The following HIPK2 variants were observed in gnomAD, a reference collection of about 807,000 sequenced individuals.
HIPK2 encodes the protein homeodomain interacting protein kinase 2, also known as homeodomain-interacting protein kinase 2.
HIPK2 carries 27 observed loss-of-function variants against 113.7 expected under a neutral mutation model. The ratio of observed to expected loss-of-function variants is 0.24; its 90% CI spans 0.17 to 0.33. The LOEUF (loss-of-function observed/expected upper bound fraction) is 0.33. Among genes scored for constraint, HIPK2 ranks in the 10% least tolerant of loss-of-function variants. HIPK2 has a pLI of 1.00. For missense variants in HIPK2, 1,257 were observed against 1,588.0 expected (o/e 0.79, Z 3.54); for synonymous variants, 631 against 642.2 (o/e 0.98, Z 0.26).
chr7:139,734,474 G>C (rs181263894), intron 1 of HIPK2, among the ~76,000 whole-genome samples: 2 of 152,196 alleles, frequency 1.3e-5, no homozygotes, highest in Non-Finnish European at 2.9e-5. Context: ...GCCCCCATGG[G>C]AGAATCAGCT....
intron 10 of HIPK2, among the ~76,000 whole-genome samples, chr7:139,601,303 CG>C (rs200221719): frequency 0.011 from 1,686 of 151,818 alleles, 22 homozygotes; most frequent in African/African-American, 0.038. Flanking sequence ...GAAGAAAAAG[CG>C]GAATTTACAC....
chr7:139,622,468 C>T (rs1800267985), intron 6 of HIPK2, among the ~76,000 whole-genome samples: 1 of 152,182 alleles, frequency 6.6e-6, no homozygotes, highest in Non-Finnish European at 1.5e-5. Flanking sequence ...CAATTCAACA[C>T]AAAATTTCCA....
chr7:139,647,118 A>G (rs948455582), intron 2 of HIPK2, among the ~76,000 whole-genome samples: 4 of 138,622 alleles, frequency 2.9e-5, no homozygotes, highest in Non-Finnish European at 6.3e-5. Context: ...TTGCACTGAT[A>G]GTTTTTTTTT....
Position 139,626,789 on chromosome 7 carries a change from G to A in HIPK2, c.1435-4C>T. 1 of 1,613,878 alleles carries A rather than the reference G, an allele frequency of 6.2e-7. No homozygotes were observed. The stretch of plus-strand genomic sequence containing the variant: ...CCAAATCTGTCGTCATGTTCACCTG[G>A]ACGCAAGTAAGGACAGGTTACCAAG... On this transcript the variant is annotated splice_region_variant and splice_polypyrimidine_tract_variant and intron_variant, in intron 5 of 14. Transcript: ENST00000406875.
intron 13 of HIPK2, among the ~76,000 whole-genome samples, chr7:139,578,098 C>G (rs1246567462): frequency 6.6e-6 from 1 of 152,194 alleles, no homozygotes; most frequent in East Asian, 1.9e-4. Flanking sequence ...CAGCCTCCGC[C>G]TCCCGGGTTC....
At chr7:139,709,774 C>T (rs1795007955) in intron 2 of HIPK2, among the ~76,000 whole-genome samples, 1 of 152,202 alleles carries the variant, frequency 6.6e-6, no homozygotes, top group African/African-American at 2.4e-5. Context: ...CTTTCAGAGC[C>T]TATTTCTTTA....
chr7:139,731,546 C>T (rs138879224), intron 1 of HIPK2, among the ~76,000 whole-genome samples: 2,454 of 152,290 alleles, frequency 0.016, 27 homozygotes, highest in Non-Finnish European at 0.025. Context: ...GACAAAGGGC[C>T]GCCAAATGGG....
chr7:139,722,086 T>C (rs758365676), intron 1 of HIPK2: 1 of 449,338 alleles, frequency 2.2e-6, no homozygotes, highest in East Asian at 6.4e-5. Context: ...TCTTACATGC[T>C]TGTTAATTAC....
At chr7:139,618,229 C>T (rs567791427) in intron 7 of HIPK2, among the ~76,000 whole-genome samples, 2 of 152,206 alleles carry the variant, frequency 1.3e-5, no homozygotes, top group Admixed American at 1.3e-4. Flanking sequence ...TAAAGCCTGG[C>T]ACATAATAAG....
chr7:139,604,848 T>C lies in HIPK2; in HGVS notation c.2113-625A>G, dbSNP rs181919945. 3.2e-4 allele frequency among the ~76,000 whole-genome samples: 49 copies of C among 152,330 alleles called. No individual in the cohort carries two copies. The East Asian group carries it at 4.2e-3, about 13-fold the overall frequency. On this transcript the variant is annotated intron_variant, in intron 9 of 14. Coordinates refer to ENST00000406875, the MANE Select transcript of HIPK2 (RefSeq NM_022740.5). ...TTGAAGTTTCTGAAAGTTTATTTAT[T>C]TACTTGTTCTGTCCCACAACTATGT...
chr7:139,575,779 G>C (rs1798471436), intron 13 of HIPK2, among the ~76,000 whole-genome samples: 1 of 152,244 alleles, frequency 6.6e-6, no homozygotes, highest in Non-Finnish European at 1.5e-5. Context: ...GTTCATCAGT[G>C]CATTAATATT....
intron 1 of HIPK2, among the ~76,000 whole-genome samples, chr7:139,729,545 G>A (rs549070565): frequency 4.6e-5 from 7 of 152,294 alleles, no homozygotes; most frequent in Admixed American, 4.6e-4. Context: ...CAGCATCGAG[G>A]AGGAGCCCCG....
intron 2 of HIPK2, among the ~76,000 whole-genome samples, chr7:139,677,252 T>C (rs1420843672): frequency 4.1e-5 from 3 of 73,942 alleles, no homozygotes; most frequent in Non-Finnish European, 7.9e-5. Flanking sequence ...ATTATATATA[T>C]ATATGGAGAC....
chr7:139,620,290 T>A, intron 7 of HIPK2, 111 bp downstream of exon 7: 1 of 1,438,196 alleles, frequency 7.0e-7, no homozygotes, highest in Non-Finnish European at 9.4e-7. Context: ...TGTTTAGTTG[T>A]TGAACATGAC....
intron 12 of HIPK2, among the ~76,000 whole-genome samples, chr7:139,594,930 A>G (rs548046560): frequency 3.4e-4 from 52 of 152,000 alleles, no homozygotes; most frequent in African/African-American, 1.1e-3. Context: ...TCTCGGTTCT[A>G]TCATTTCTTT....
At chr7:139,638,654 G>GTTTTTTTTTTTTTTTTTTTTTTT (rs1569461048) in intron 2 of HIPK2, among the ~76,000 whole-genome samples, 1 of 142,956 alleles carries the variant, frequency 7.0e-6, no homozygotes, top group African/African-American at 2.8e-5. Context: ...GTAAATAATT[G>GTTTTTTTTTTTTTTTTTTTTTTT]TCTTTTTTTT....
chr7:139,757,461 A>C (rs1414128356), intron 1 of HIPK2, among the ~76,000 whole-genome samples: 1 of 152,214 alleles, frequency 6.6e-6, no homozygotes, highest in African/African-American at 2.4e-5. Context: ...TGCACTCATG[A>C]AATCTCACAA....
chr7:139,598,531 T>C (rs891476977), intron 11 of HIPK2, among the ~76,000 whole-genome samples: 5 of 152,248 alleles, frequency 3.3e-5, no homozygotes, highest in African/African-American at 1.2e-4. Flanking sequence ...AAAGTATGCC[T>C]GGCCACATCA....
At chr7:139,701,491 G>A (rs976568752) in intron 2 of HIPK2, among the ~76,000 whole-genome samples, 11 of 152,052 alleles carry the variant, frequency 7.2e-5, no homozygotes, top group Non-Finnish European at 1.3e-4. Context: ...AAGTCATGTC[G>A]GAGAGGTGGT....
Sources: gnomAD v4.1 joint callset for allele counts (sites outside exome capture counted in the v4.1 genomes callset) on GRCh38, gnomAD v4.1.1 for gene constraint, MANE v1.5 for transcripts, NCBI Gene and HGNC (gene_info 2026-07-23, HGNC 2026-07-21) for gene names.